Variants in PRG2 observed in about 807,000 individuals in gnomAD.
PRG2 encodes proteoglycan 2, pro eosinophil major basic protein.
Under a neutral mutation model 24.7 loss-of-function variants are expected in PRG2, and 23 were observed. The observed-to-expected ratio is 0.93, with a 90% CI of 0.67 to 1.32. The LOEUF (loss-of-function observed/expected upper bound fraction) is 1.32. PRG2 is among the 40% of genes most tolerant of loss of function. The probability of loss-of-function intolerance (pLI) is 0.00; values close to 1 mark genes in which losing one functional copy is unlikely to be tolerated. For synonymous variants in PRG2, 104 were observed against 99.8 expected (o/e 1.04, Z -0.25); for missense variants, 271 against 280.9 (o/e 0.96, Z 0.25).
Position 57,387,210 on chromosome 11 carries a change from T to TC in PRG2, c.*264dup, listed in dbSNP as rs1857060178. 1 of 400,544 alleles carries TC rather than the reference T, an allele frequency of 2.5e-6. No individual in the cohort carries two copies. Among genetic ancestry groups the TC allele is most frequent in the African/African-American group, 2.1e-5 (1 of 48,298 alleles). The allele number at this position is 400,544 out of a possible 1,614,324, so 24.8% of individuals were successfully genotyped here. A position where few individuals can be genotyped will look rare whatever the true frequency, so the allele number is the denominator to read the frequency against. On this transcript the variant is annotated 3_prime_UTR_variant, in exon 6 of 6. Coordinates refer to ENST00000311862, the MANE Select transcript of PRG2 (RefSeq NM_002728.6). ...GCCCATTCCTCCATCTCCAAAAGGC[T>TC]CCATAGACCCAACTCCACCCTCCAT...
intron 5 of PRG2, 71 bp from the exon 6 acceptor site, chr11:57,387,604 T>G: frequency 6.7e-7 from 1 of 1,493,738 alleles, no homozygotes; most frequent in Non-Finnish European, 9.3e-7. Flanking sequence ...GAGGGCCTCT[T>G]TTCCCACCCA....
At chr11:57,390,195 C>A (rs1857131206) in intron 1 of PRG2, among the ~76,000 whole-genome samples, 1 of 152,162 alleles carries the variant, frequency 6.6e-6, no homozygotes, top group Non-Finnish European at 1.5e-5. Context: ...GGCTGGCTTT[C>A]CTTCAGGCCC....
rs377643386 is a variant in PRG2 at position 57,389,099 on chromosome 11, C to G, written c.277G>C (p.Glu93Gln). 1 of 1,614,218 alleles carries G rather than the reference C, an allele frequency of 6.2e-7. No homozygotes were observed. Among genetic ancestry groups the G allele is most frequent in the South Asian group, 1.1e-5 (1 of 91,084 alleles). ...VDKNLTCPEE[E>Q]DTVKVVGIPG... ...ATGCCCACCACTTTTACTGTGTCCT[C>G]TTCCTCAGGACACGTAAGGTTTTTG... The change falls in exon 3 of 6, where the codon GAG (glutamate) becomes CAG (glutamine). Residue 93 changes from glutamate (E) to glutamine (Q), a missense_variant. Glu to Gln is a conservative substitution (Grantham distance 29). Transcript: ENST00000311862.
At chr11:57,388,791 C>T (rs1463214985) in intron 3 of PRG2, 83 bp from the exon 4 acceptor site, 13 of 1,539,254 alleles carry the variant, frequency 8.4e-6, no homozygotes, top group Non-Finnish European at 1.1e-5. Context: ...CAATTCATTC[C>T]CTCCCTCCCC....
At chr11:57,389,825 C>A in intron 2 of PRG2, 62 bp downstream of exon 2, 2 of 1,449,746 alleles carry the variant, frequency 1.4e-6, no homozygotes, top group South Asian at 2.4e-5. Context: ...GTAACTCTGA[C>A]CCCATCTACC....
chr11:57,389,133 A>T lies in PRG2; in HGVS notation c.243T>A (p.Asp81Glu), dbSNP rs148430753. The change falls in exon 3 of 6, where the codon GAT becomes GAA. Residue 81 changes from aspartate to glutamate, a missense_variant. Asp to Glu is a conservative substitution (Grantham distance 45). Coordinates refer to ENST00000311862, the MANE Select transcript of PRG2 (RefSeq NM_002728.6). The stretch of plus-strand genomic sequence containing the variant: ...GACACGTAAGGTTTTTGTCCACCAT[A>T]TCTGGCACTGAGATAGACTCAACAG... ...DGAVESISVPDMVDKNLTCPE... is the reference protein window; with the variant it reads ...DGAVESISVPEMVDKNLTCPE... 1 of 1,614,022 alleles carries T rather than the reference A, an allele frequency of 6.2e-7. No individual in the cohort carries two copies. Among genetic ancestry groups the T allele is most frequent in the Non-Finnish European group, 8.5e-7 (1 of 1,180,006 alleles).
chr11:57,388,688 G>A lies in PRG2; in HGVS notation c.387C>T (p.Tyr129=). The change falls in exon 4 of 6, where the codon TAC becomes TAT. Residue 129 remains tyrosine (Y), a synonymous_variant. Coordinates refer to ENST00000311862, the MANE Select transcript of PRG2 (RefSeq NM_002728.6). ...SQAWFTCRRC[Y]RGNLVSIHNF... ...TGTGGATGGAAACCAGGTTGCCCCT[G>A]TAGCACCTCCGGCAAGTAAACTACA... is the stretch of plus-strand genomic sequence containing the variant. 1 of 1,614,064 alleles carries A rather than the reference G, an allele frequency of 6.2e-7. No homozygotes were observed.
At position 57,388,662 on chromosome 11, in the gene PRG2, T is replaced by C. The variant is rs1590657257; in HGVS notation, c.413A>G (p.Asn138Ser). ...CTGGATTCGATAATTAATATTGAAG[T>C]TGTGGATGGAAACCAGGTTGCCCCT... ...CYRGNLVSIHNFNINYRIQCS... is the reference protein window; with the variant it reads ...CYRGNLVSIHSFNINYRIQCS... Residue 138 changes from asparagine (N) to serine (S), a missense_variant, in exon 4 of 6, where the codon AAC (asparagine) becomes AGC (serine). Coordinates refer to ENST00000311862, the MANE Select transcript of PRG2 (RefSeq NM_002728.6). 1.2e-6 allele frequency: 2 copies of C among 1,614,070 alleles called. No homozygotes were observed. The highest frequency in any genetic ancestry group is 2.2e-5 in the East Asian group (1 of 44,880).
At chr11:57,388,738 G>T (rs755042487) in intron 3 of PRG2, 30 bp from the exon 4 acceptor site, 1 of 1,610,500 alleles carries the variant, frequency 6.2e-7, no homozygotes, top group East Asian at 2.2e-5. Context: ...ACAAAGAATG[G>T]AGCATCCTTC....
Position 57,389,088 on chromosome 11 carries a change from T to A in PRG2, c.288A>T (p.Val96=). The change falls in exon 3 of 6, where the codon GTA becomes GTT. Residue 96 remains valine, a synonymous_variant. Transcript: ENST00000311862. ...NLTCPEEEDT[V]KVVGIPGCQT... is the part of the protein sequence containing the mutation. ...GGCACCCAGGGATGCCCACCACTTT[T>A]ACTGTGTCCTCTTCCTCAGGACACG... The A allele has an allele frequency of 6.2e-7, 1 of 1,614,226 alleles. No homozygotes were observed. The highest frequency in any genetic ancestry group is 8.5e-7 in the Non-Finnish European group (1 of 1,180,038).
rs1305421859 is a variant in PRG2 at position 57,388,864 on chromosome 11, T to G, written c.366+146A>C. On this transcript the variant is annotated intron_variant, in intron 3 of 5. Coordinates refer to ENST00000311862, the MANE Select transcript of PRG2 (RefSeq NM_002728.6). ...CTTCTGTTTGTAGGTGGCCCTCCCC[T>G]CTTACCCCAACACCTCTCTGAGGCT... 3.5e-6 allele frequency: 5 copies of G among 1,423,972 alleles called. No individual in the cohort carries two copies. In the East Asian group the frequency reaches 9.5e-5, roughly 27 times the overall value. The allele number at this position is 1,423,972 out of a possible 1,614,324, so 88.2% of individuals were successfully genotyped here.
In PRG2 at chr11:57,389,230, G is replaced by T. The variant is rs561559123; in HGVS notation, c.146C>A (p.Thr49Asn). Residue 49 changes from threonine to asparagine, a missense_variant, in exon 3 of 6, where the codon ACC (threonine) becomes AAC (asparagine). By Grantham distance (65) the Thr-to-Asn change is moderately conservative. Coordinates refer to ENST00000311862, the MANE Select transcript of PRG2 (RefSeq NM_002728.6). ...CTCTTCCTCCAGCTCCCTGCAAGGGGTCTCCTCCATCTCCTGCTCTGGTGT... is the reference window on the plus strand; with the variant it reads ...CTCTTCCTCCAGCTCCCTGCAAGGGTTCTCCTCCATCTCCTGCTCTGGTGT... ...EETPEQEMEE[T>N]PCRELEEEEE... 27 of 1,614,126 alleles carry T rather than the reference G, an allele frequency of 1.7e-5. No individual in the cohort carries two copies. In the East Asian group the frequency reaches 2.5e-4, roughly 15 times the overall value.
rs1019912751 is a variant in PRG2 at position 57,387,792 on chromosome 11, C to G, written c.572G>C (p.Trp191Ser). The G allele has an allele frequency of 1.9e-5, 31 of 1,593,300 alleles. No individual in the cohort carries two copies. Among genetic ancestry groups the G allele is most frequent in the Non-Finnish European group, 2.6e-5 (30 of 1,170,648 alleles). The change falls in exon 5 of 6, where the codon TGG (tryptophan) becomes TCG (serine). Residue 191 changes from tryptophan to serine, a missense_variant. By Grantham distance (177) the Trp-to-Ser change is radical. Transcript: ENST00000311862. ...GGCCACGCAGTGACCACCGCGGGAC[C>G]AGGGCTGGTGAGCAGCCCAGTATGC... is the stretch of plus-strand genomic sequence containing the variant. The part of the protein sequence containing the change: ...NFAYWAAHQP[W>S]SRGGHCVALC...
At position 57,389,001 on chromosome 11, in the gene PRG2, G is replaced by A. The variant is rs11229018; in HGVS notation, c.366+9C>T. 25 of 1,611,344 alleles carry A rather than the reference G, an allele frequency of 1.6e-5. No homozygotes were observed. The highest frequency in any genetic ancestry group is 4.0e-5 in the African/African-American group (3 of 74,882). Reference sequence around the variant, plus strand: ...GCTCCCACCTCAGCCTCAGCCATAGGCCACTCACCCAAGCTTGACTAAACG... The same window carrying A: ...GCTCCCACCTCAGCCTCAGCCATAGACCACTCACCCAAGCTTGACTAAACG... On this transcript the variant is annotated intron_variant, in intron 3 of 5. Transcript: ENST00000311862.
At chr11:57,387,944 CT>C (rs1857079603) in intron 4 of PRG2, 79 bp from the exon 5 acceptor site, 2 of 1,061,586 alleles carry the variant, frequency 1.9e-6, no homozygotes, top group Admixed American at 5.4e-5. Flanking sequence ...TCTGCCAGCT[CT>C]TTCTGCTGCC....
In PRG2 at chr11:57,388,620, A is replaced by G; in HGVS notation, c.455T>C (p.Leu152Pro). 1 of 1,613,964 alleles carries G rather than the reference A, an allele frequency of 6.2e-7. No homozygotes were observed. The highest frequency in any genetic ancestry group is 2.2e-5 in the East Asian group (1 of 44,878). The stretch of plus-strand genomic sequence containing the variant: ...TCCAATCCAGACTTGACCCTGGTTG[A>G]GCGCGCTGACAGAACACTGGATTCG... ...NYRIQCSVSA[L>P]NQGQVWIGGR... The change falls in exon 4 of 6, where the codon CTC (leucine) becomes CCC (proline). Residue 152 changes from leucine (L) to proline (P), a missense_variant. By Grantham distance (98) the Leu-to-Pro change is moderately conservative (BLOSUM62 -3). Transcript: ENST00000311862.
At chr11:57,388,119 T>C (rs1349744708) in intron 4 of PRG2, among the ~76,000 whole-genome samples, 1 of 152,136 alleles carries the variant, frequency 6.6e-6, no homozygotes, top group Admixed American at 6.5e-5. Flanking sequence ...CAACTCATCC[T>C]AGAGATGAGG....
intron 4 of PRG2, 29 bp downstream of exon 4, chr11:57,388,548 A>G: frequency 6.2e-7 from 1 of 1,611,284 alleles, no homozygotes; most frequent in Non-Finnish European, 8.5e-7. Flanking sequence ...CAGCAGGTGC[A>G]CCCCATTTAG....
Position 57,389,033 on chromosome 11 carries a change from G to C in PRG2, c.343C>G (p.Leu115Val), listed in dbSNP as rs140252090. ...ACCCAAGCTTGACTAAACGTCTGAA[G>C]ACTTCTCACCAGGAGGTAGCGGCAG... ...QTCRYLLVRS[L>V]QTFSQAWFTC... Residue 115 changes from leucine to valine, a missense_variant, in exon 3 of 6, where the codon CTT becomes GTT. Coordinates refer to ENST00000311862, the MANE Select transcript of PRG2 (RefSeq NM_002728.6). 2.4e-4 allele frequency: 393 copies of C among 1,614,046 alleles called. 1 individual carries two copies. The African/African-American group carries it at 4.7e-3, about 19-fold the overall frequency.
Sources: gnomAD v4.1 joint callset for allele counts (sites outside exome capture counted in the v4.1 genomes callset) on GRCh38, gnomAD v4.1.1 for gene constraint, MANE v1.5 for transcripts, NCBI Gene and HGNC (gene_info 2026-07-23, HGNC 2026-07-21) for gene names.